Variants in FKBP11 observed in about 807,000 individuals in gnomAD.
The protein encoded by FKBP11 is peptidyl-prolyl cis-trans isomerase FKBP11.
In FKBP11, 21 loss-of-function variants were observed where a neutral mutation model predicts 24.7. That is an observed-to-expected ratio of 0.85 (90% CI 0.60 to 1.23). The LOEUF is 1.23. Ranked by LOEUF, FKBP11 falls within the 50% of genes most tolerant of loss-of-function variation. FKBP11 has a pLI of 0.00. For synonymous variants in FKBP11, 106 were observed against 100.6 expected (o/e 1.05, Z -0.32); for missense variants, 245 against 248.7 (o/e 0.99, Z 0.10).
At chr12:48,937,467 C>T in the FKBP11 span, 9 of 152,524 alleles carry the variant, frequency 5.9e-5, no homozygotes, top group African/African-American at 2.2e-4. Flanking sequence ...GCAGTAGCAA[C>T]AGCTTCTGAA....
chr12:48,938,856 A>G, the FKBP11 span: 3 of 1,514,788 alleles, frequency 2.0e-6, no homozygotes, highest in Non-Finnish European at 8.9e-7. Context: ...CCCTGGCCAC[A>G]CTTGCATGGA....
In FKBP11 at chr12:48,924,275, A is replaced by G; in HGVS notation, c.284-19T>C. ...TCCAGACCTTGAAGAAGAAGACACA[A>G]CTGAACTGGAAGCTATCCACCTTCC... On this transcript the variant is annotated intron_variant, in intron 3 of 5. Transcript: ENST00000550765. The G allele has an allele frequency of 6.2e-7, 1 of 1,614,108 alleles. No individual in the cohort carries two copies. Among genetic ancestry groups the G allele is most frequent in the Non-Finnish European group, 8.5e-7 (1 of 1,179,964 alleles).
the FKBP11 span, chr12:48,931,572 C>T: frequency 2.8e-6 from 3 of 1,084,986 alleles, no homozygotes; most frequent in Admixed American, 2.2e-5. Flanking sequence ...ATCACAGAAC[C>T]ATTGCTAGAA....
chr12:48,926,673 A>G (rs745340755), upstream of FKBP11, among the ~76,000 whole-genome samples: 5 of 149,398 alleles, frequency 3.3e-5, no homozygotes, highest in Non-Finnish European at 7.4e-5. Context: ...TTGAATTTTT[A>G]GTAAAGACAG....
the FKBP11 span, among the ~76,000 whole-genome samples, chr12:48,933,911 T>C: frequency 0.33 from 49,610 of 151,248 alleles, 9,122 homozygotes; most frequent in Admixed American, 0.48. Flanking sequence ...CCCAAAGACA[T>C]GACTCCCTAC....
At chr12:48,925,010 C>CG in intron 2 of FKBP11, 36 bp downstream of exon 2, 9 of 1,578,490 alleles carry the variant, frequency 5.7e-6, no homozygotes, top group Non-Finnish European at 7.8e-6. Context: ...GCGCCGCCCC[C>CG]TCCCAGGCCC....
upstream of FKBP11, chr12:48,925,656 A>G (rs1282408722): frequency 5.1e-6 from 3 of 587,890 alleles, no homozygotes; most frequent in African/African-American, 5.6e-5. Context: ...GCAGGTTCTG[A>G]CGCATCCGTT....
upstream of FKBP11, among the ~76,000 whole-genome samples, chr12:48,929,413 A>G (rs142187853): frequency 6.6e-6 from 1 of 152,172 alleles, no homozygotes; most frequent in Non-Finnish European, 1.5e-5. Flanking sequence ...ACGCCACTGC[A>G]CTCCAGCCTA....
At chr12:48,922,587 A>G in intron 5 of FKBP11, 1 of 1,000,514 alleles carries the variant, frequency 1.0e-6, no homozygotes, top group Non-Finnish European at 1.2e-6. Flanking sequence ...AAATGGATTT[A>G]AACTAGACTT....
upstream of FKBP11, among the ~76,000 whole-genome samples, chr12:48,929,222 A>C (rs999393248): frequency 5.3e-5 from 8 of 151,886 alleles, no homozygotes; most frequent in African/African-American, 1.7e-4. Context: ...CTGAGGCAGG[A>C]GGATTGCTTG....
At chr12:48,930,153 A>C (rs894890152), upstream of FKBP11, among the ~76,000 whole-genome samples, 1 of 152,246 alleles carries the variant, frequency 6.6e-6, no homozygotes, top group African/African-American at 2.4e-5. Flanking sequence ...TATACTATGA[A>C]ATACTGAGAA....
At chr12:48,923,928 C>G (rs767499492) in intron 4 of FKBP11, 76 bp from the exon 5 acceptor site, 1 of 1,400,986 alleles carries the variant, frequency 7.1e-7, no homozygotes, top group African/African-American at 1.4e-5. Flanking sequence ...GAAGCTCCTT[C>G]AGCAAAACCC....
chr12:48,930,012 T>TC (rs1189862947), upstream of FKBP11, among the ~76,000 whole-genome samples: 2 of 152,164 alleles, frequency 1.3e-5, no homozygotes, highest in African/African-American at 4.8e-5. Context: ...ATTCCTCCCT[T>TC]CCTATCTCCC....
upstream of FKBP11, chr12:48,931,315 C>A: frequency 9.8e-7 from 1 of 1,016,416 alleles, no homozygotes; most frequent in Non-Finnish European, 1.5e-6. Flanking sequence ...AGGTCTGAGG[C>A]TCTGTTCAGG....
chr12:48,922,837 G>C, intron 5 of FKBP11: 2 of 1,020,230 alleles, frequency 2.0e-6, no homozygotes, highest in African/African-American at 1.7e-5. Context: ...CTTCCTCTAA[G>C]CTGGAACTAG....
At chr12:48,937,400 G>GT in the FKBP11 span, 2 of 152,702 alleles carry the variant, frequency 1.3e-5, no homozygotes, top group Non-Finnish European at 2.9e-5. Context: ...AGAAACTACA[G>GT]AAGTCAGGAC....
At chr12:48,934,214 C>T in the FKBP11 span, among the ~76,000 whole-genome samples, 1 of 152,194 alleles carries the variant, frequency 6.6e-6, no homozygotes, top group African/African-American at 2.4e-5. Flanking sequence ...CCCACACATA[C>T]ATTCATTCTC....
upstream of FKBP11, among the ~76,000 whole-genome samples, chr12:48,929,555 G>A (rs1238061143): frequency 1.3e-5 from 2 of 152,150 alleles, no homozygotes; most frequent in Non-Finnish European, 2.9e-5. Flanking sequence ...GCCTACCATG[G>A]CTTCACATTG....
At chr12:48,926,931 T>TC, upstream of FKBP11, among the ~76,000 whole-genome samples, 1 of 152,178 alleles carries the variant, frequency 6.6e-6, no homozygotes, top group Middle Eastern at 3.2e-3. Context: ...TCTCTCAGCC[T>TC]CCCGAGTAGC....
Sources: allele counts gnomAD v4.1 joint callset (sites outside exome capture counted in the v4.1 genomes callset), GRCh38; gene constraint gnomAD v4.1.1; transcripts MANE v1.5; gene names NCBI Gene and HGNC (gene_info 2026-07-23, HGNC 2026-07-21).